The following SLC6A17 variants were observed in gnomAD, a reference collection of about 807,000 sequenced individuals.
SLC6A17 encodes solute carrier family 6 member 17, also known as sodium-dependent neutral amino acid transporter SLC6A17.
A neutral mutation model predicts 64.5 loss-of-function variants in SLC6A17; 21 were observed. That is an observed-to-expected ratio of 0.33 (90% CI 0.23 to 0.47). The LOEUF (loss-of-function observed/expected upper bound fraction) is 0.47, where lower values mean the gene tolerates loss of function less well. Among genes scored for constraint, SLC6A17 ranks in the 20% least tolerant of loss-of-function variants. The pLI is 1.00. For missense variants in SLC6A17, 682 were observed against 963.2 expected (o/e 0.71, Z 3.86); for synonymous variants, 372 against 399.5 (o/e 0.93, Z 0.82).
chr1:110,153,352 T>C (rs929921865), intron 1 of SLC6A17, among the ~76,000 whole-genome samples: 1 of 152,320 alleles, frequency 6.6e-6, no homozygotes, highest in East Asian at 1.9e-4. Flanking sequence ...GTGTGATTCC[T>C]GTTTTCCTGA....
intron 2 of SLC6A17, among the ~76,000 whole-genome samples, chr1:110,168,982 A>G (rs1189906449): frequency 1.3e-5 from 2 of 152,094 alleles, no homozygotes; most frequent in African/African-American, 2.4e-5. Context: ...GATTCCTGCA[A>G]TCCCTTTTTA....
At chr1:110,171,240 C>T (rs1656215829) in intron 2 of SLC6A17, among the ~76,000 whole-genome samples, 1 of 152,172 alleles carries the variant, frequency 6.6e-6, no homozygotes, top group Admixed American at 6.5e-5. Context: ...GTTTGACAGA[C>T]AGGCAGGGCC....
chr1:110,171,470 A>G (rs774530558), intron 2 of SLC6A17, among the ~76,000 whole-genome samples: 10 of 152,216 alleles, frequency 6.6e-5, no homozygotes, highest in South Asian at 2.1e-4. Flanking sequence ...TGAACTGCTA[A>G]TTTCTCTCCC....
At chr1:110,185,982 C>T (rs1423139831) in intron 6 of SLC6A17, among the ~76,000 whole-genome samples, 1 of 152,188 alleles carries the variant, frequency 6.6e-6, no homozygotes, top group Non-Finnish European at 1.5e-5. Flanking sequence ...CCCTCAGATG[C>T]TTTCCTGGGC....
intron 6 of SLC6A17, among the ~76,000 whole-genome samples, chr1:110,185,696 C>T (rs969127214): frequency 2.6e-5 from 4 of 152,300 alleles, no homozygotes; most frequent in East Asian, 1.9e-4. Context: ...CTGGAAGGGG[C>T]GTGGGGTTTT....
chr1:110,174,641 C>G (rs1656322889), intron 4 of SLC6A17, 138 bp from the exon 5 acceptor site: 5 of 1,079,352 alleles, frequency 4.6e-6, no homozygotes, highest in Admixed American at 2.6e-5. Flanking sequence ...CCGGCTAACC[C>G]AAGATGAGCA....
intron 6 of SLC6A17, among the ~76,000 whole-genome samples, chr1:110,186,398 AC>A (rs1656684199): frequency 6.6e-6 from 1 of 150,814 alleles, no homozygotes; most frequent in Non-Finnish European, 1.5e-5. Context: ...GGTAGTCTGG[AC>A]CTTTTTGTGA....
intron 3 of SLC6A17, among the ~76,000 whole-genome samples, chr1:110,173,645 A>C (rs888133792): frequency 1.1e-4 from 17 of 152,224 alleles, no homozygotes; most frequent in African/African-American, 4.1e-4. Flanking sequence ...ATCCCCAGTC[A>C]TCAGGAAATG....
At chr1:110,181,680 A>G (rs1461868398) in intron 6 of SLC6A17, among the ~76,000 whole-genome samples, 1 of 152,274 alleles carries the variant, frequency 6.6e-6, no homozygotes, top group Admixed American at 6.5e-5. Flanking sequence ...AGTACCGTCA[A>G]GGAACGCCTT....
intron 6 of SLC6A17, among the ~76,000 whole-genome samples, chr1:110,177,381 C>G (rs17625363): frequency 0.065 from 9,890 of 151,176 alleles, 391 homozygotes; most frequent in Admixed American, 0.12. Flanking sequence ...TCACATTTCA[C>G]AAAGGGTGCA....
At position 110,172,106 on chromosome 1, in the gene SLC6A17, C is replaced by T. The variant is rs1183018376; in HGVS notation, c.333C>T (p.Ile111=). 6.2e-7 allele frequency: 1 copy of T among 1,614,006 alleles called. No homozygotes were observed. The highest frequency in any genetic ancestry group is 2.2e-5 in the East Asian group (1 of 44,892). The change falls in exon 3 of 12, where the codon ATC becomes ATT. Residue 111 remains isoleucine, a synonymous_variant. Transcript: ENST00000331565. ...PYLVLLIIIG[I]PLFFLELAVG... Reference sequence around the variant, plus strand: ...TGGTGCTGCTGATCATCATCGGGATCCCCCTCTTCTTCCTGGAGCTGGCTG... The same window carrying T: ...TGGTGCTGCTGATCATCATCGGGATTCCCCTCTTCTTCCTGGAGCTGGCTG...
At chr1:110,151,502 C>T (rs1655603230) in intron 1 of SLC6A17, among the ~76,000 whole-genome samples, 1 of 152,222 alleles carries the variant, frequency 6.6e-6, no homozygotes, top group African/African-American at 2.4e-5. Context: ...AGACAGGGGA[C>T]GTGCGTGTGG....
chr1:110,193,451 G>C (rs1162893412), intron 8 of SLC6A17, among the ~76,000 whole-genome samples: 1 of 152,232 alleles, frequency 6.6e-6, no homozygotes, highest in East Asian at 1.9e-4. Context: ...GTTAGAAGGG[G>C]TAACAGGAAA....
At chr1:110,152,887 T>C (rs1298359440) in intron 1 of SLC6A17, among the ~76,000 whole-genome samples, 2 of 152,242 alleles carry the variant, frequency 1.3e-5, no homozygotes, top group Non-Finnish European at 2.9e-5. Flanking sequence ...TTTCTCTCAT[T>C]GCTTCTGCTC....
chr1:110,165,263 G>T (rs1303691108), intron 1 of SLC6A17, among the ~76,000 whole-genome samples: 1 of 152,152 alleles, frequency 6.6e-6, no homozygotes, highest in Non-Finnish European at 1.5e-5. Flanking sequence ...CGGCAGCCCT[G>T]GGGGGAGGCC....
chr1:110,176,799 G>A (rs970841618), intron 6 of SLC6A17, 60 bp downstream of exon 6: 1 of 1,433,696 alleles, frequency 7.0e-7, no homozygotes, highest in Non-Finnish European at 9.7e-7. Flanking sequence ...GGCCTGGTCA[G>A]CTTCCTGCAA....
At chr1:110,165,722 G>T (rs369287693) in intron 1 of SLC6A17, among the ~76,000 whole-genome samples, 36 of 152,334 alleles carry the variant, frequency 2.4e-4, no homozygotes, top group African/African-American at 8.7e-4. Context: ...AGCCTTGCCT[G>T]TGCCATTCAG....
intron 1 of SLC6A17, among the ~76,000 whole-genome samples, chr1:110,151,694 T>C (rs1272830534): frequency 6.6e-6 from 1 of 152,210 alleles, no homozygotes; most frequent in African/African-American, 2.4e-5. Flanking sequence ...GACAGCCCTG[T>C]CAGAAATCAA....
chr1:110,189,455 C>G (rs1177748728), intron 6 of SLC6A17, among the ~76,000 whole-genome samples: 1 of 152,198 alleles, frequency 6.6e-6, no homozygotes, highest in Admixed American at 6.5e-5. Flanking sequence ...TGGCACCACC[C>G]AGCCCCTTAG....
Sources: gnomAD v4.1 joint callset for allele counts (sites outside exome capture counted in the v4.1 genomes callset) on GRCh38, gnomAD v4.1.1 for gene constraint, MANE v1.5 for transcripts, NCBI Gene and HGNC (gene_info 2026-07-23, HGNC 2026-07-21) for gene names.